Variants in LRRC8D observed in about 807,000 individuals in gnomAD.
LRRC8D encodes the protein volume-regulated anion channel subunit LRRC8D.
A neutral mutation model predicts 55.8 loss-of-function variants in LRRC8D; 20 were observed. That is an observed-to-expected ratio of 0.36 (90% CI 0.25 to 0.52). LRRC8D has a LOEUF of 0.52. LRRC8D is among the 20% of genes least tolerant of loss of function. LRRC8D has a pLI of 0.93. For missense variants in LRRC8D, 651 were observed against 1,030.8 expected, an observed-to-expected ratio of 0.63 and a Z score of 5.05; for synonymous variants, 352 against 377.0, an observed-to-expected ratio of 0.93 and a Z score of 0.77.
intron 2 of LRRC8D, among the ~76,000 whole-genome samples, 183 bp downstream of exon 2, chr1:89,843,965 C>T (rs1661209538): frequency 1.1e-5 from 1 of 91,644 alleles, no homozygotes; most frequent in South Asian, 4.3e-4. Context: ...TTCGGGCCGG[C>T]GGAAGGCCCT....
At chr1:89,828,995 A>C (rs1379562658) in intron 1 of LRRC8D, among the ~76,000 whole-genome samples, 2 of 152,188 alleles carry the variant, frequency 1.3e-5, no homozygotes, top group Non-Finnish European at 2.9e-5. Context: ...CATGCTATAG[A>C]GATAGGACAG....
intron 2 of LRRC8D, among the ~76,000 whole-genome samples, chr1:89,916,684 G>C (rs952818751): frequency 4.9e-4 from 75 of 151,700 alleles, no homozygotes; most frequent in African/African-American, 1.7e-3. Context: ...TTGCTTTTCT[G>C]TTCTCTCTTT....
Position 89,935,367 on chromosome 1 carries a change from C to G in LRRC8D, c.2299C>G (p.Leu767Val), listed in dbSNP as rs1223543510. 15 of 1,614,120 alleles carry G rather than the reference C, an allele frequency of 9.3e-6. No homozygotes were observed. Among genetic ancestry groups the G allele is most frequent in the Non-Finnish European group, 1.2e-5 (14 of 1,180,044 alleles). The change falls in exon 3 of 3, where the codon CTG becomes GTG. Residue 767 changes from leucine (L) to valine (V), a missense_variant. This residue lies in a region of LRRC8D where 338 missense variants were observed against 479.4 expected (regional missense o/e 0.71). Coordinates refer to ENST00000337338, the MANE Select transcript of LRRC8D (RefSeq NM_001134479.2). ...LHITGNKVDI[L>V]PKQLFKCIKL... The stretch of plus-strand genomic sequence containing the variant: ...TATCACTGGGAACAAAGTGGACATT[C>G]TGCCAAAACAATTGTTTAAATGCAT...
At chr1:89,843,103 G>A (rs1266701052) in intron 1 of LRRC8D, 1 of 152,240 alleles carries the variant, frequency 6.6e-6, no homozygotes, top group Non-Finnish European at 1.5e-5. Context: ...ATCTCTCACA[G>A]CTGCTGAGCT....
At chr1:89,917,122 A>T (rs1395234700) in intron 2 of LRRC8D, among the ~76,000 whole-genome samples, 2 of 152,206 alleles carry the variant, frequency 1.3e-5, no homozygotes, top group Non-Finnish European at 2.9e-5. Flanking sequence ...TAGCTCTATA[A>T]TAGAGACTCT....
intron 2 of LRRC8D, among the ~76,000 whole-genome samples, chr1:89,872,986 A>G (rs923765145): frequency 6.6e-6 from 1 of 152,238 alleles, no homozygotes; most frequent in Admixed American, 6.5e-5. Context: ...CCCAAAGTGA[A>G]TAAAAATTGA....
At chr1:89,824,418 T>C (rs74101213) in intron 1 of LRRC8D, among the ~76,000 whole-genome samples, 60 of 152,322 alleles carry the variant, frequency 3.9e-4, no homozygotes, top group African/African-American at 1.4e-3. Context: ...TTGGGAATCA[T>C]TGAAATCAGA....
intron 1 of LRRC8D, 160 bp from the exon 2 acceptor site, chr1:89,843,478 G>A (rs1287786300): frequency 4.5e-6 from 2 of 447,686 alleles, no homozygotes; most frequent in African/African-American, 2.0e-5. Flanking sequence ...CAGCCGGTGC[G>A]GCGGGGTCGC....
intron 2 of LRRC8D, among the ~76,000 whole-genome samples, chr1:89,889,998 T>A (rs1365223795): frequency 6.6e-6 from 1 of 151,460 alleles, no homozygotes; most frequent in Non-Finnish European, 1.5e-5. Flanking sequence ...CCATCCTGGC[T>A]AACACAGTGA....
Position 89,934,526 on chromosome 1 carries a change from C to T in LRRC8D, c.1458C>T (p.Val486=). 6.2e-7 allele frequency: 1 copy of T among 1,614,188 alleles called. No individual in the cohort carries two copies. Among genetic ancestry groups the T allele is most frequent in the Non-Finnish European group, 8.5e-7 (1 of 1,180,030 alleles). Residue 486 remains valine, a synonymous_variant, in exon 3 of 3, where the codon GTC becomes GTT. Transcript: ENST00000337338. This position sits in a 1 kb window ranked among gnomAD's most constrained non-coding sequence, Gnocchi z 5.9. ...LFMLSGVPDA[V]FDLTDLDVLK... is the part of the protein sequence containing the mutation. ...TGCTGTCGGGGGTGCCCGATGCTGTCTTTGACCTCACAGACCTGGATGTGC... is the reference window on the plus strand; with the variant it reads ...TGCTGTCGGGGGTGCCCGATGCTGTTTTTGACCTCACAGACCTGGATGTGC...
At chr1:89,880,440 A>AAGAGACCT (rs1557465020) in intron 2 of LRRC8D, among the ~76,000 whole-genome samples, 1 of 151,298 alleles carries the variant, frequency 6.6e-6, no homozygotes, top group Admixed American at 6.6e-5. Context: ...AATCAGAAAG[A>AAGAGACCT]AGAGACCTAG....
intron 2 of LRRC8D, among the ~76,000 whole-genome samples, chr1:89,868,719 A>G (rs1314343285): frequency 6.6e-6 from 1 of 152,222 alleles, no homozygotes; most frequent in Non-Finnish European, 1.5e-5. Context: ...AGCAAGACCA[A>G]GTAATTTGCC....
At chr1:89,849,555 T>C (rs2100762318) in intron 2 of LRRC8D, among the ~76,000 whole-genome samples, 1 of 152,158 alleles carries the variant, frequency 6.6e-6, no homozygotes, top group Admixed American at 6.5e-5. Flanking sequence ...TTATACCTAA[T>C]CAATTATAAT....
rs376238850 is a variant in LRRC8D at position 89,871,402 on chromosome 1, G to A, written c.-3+27620G>A. 1.1e-4 allele frequency among the ~76,000 whole-genome samples: 16 copies of A among 152,214 alleles called. 1 individual carries two copies. Among genetic ancestry groups the A allele is most frequent in the Admixed American group, 3.9e-4 (6 of 15,298 alleles). On this transcript the variant is annotated intron_variant, in intron 2 of 2. Coordinates refer to ENST00000337338, the MANE Select transcript of LRRC8D (RefSeq NM_001134479.2). ...ACACACAAGCACTTTTTTGGTAACC[G>A]CCTGCGCATAGCGTTCTTTTGGGGT...
intron 1 of LRRC8D, among the ~76,000 whole-genome samples, chr1:89,825,219 A>C (rs1242412821): frequency 1.3e-5 from 2 of 152,186 alleles, no homozygotes; most frequent in African/African-American, 4.8e-5. Flanking sequence ...TATTGGTCCT[A>C]TATGAGAGCT....
At chr1:89,834,420 C>T (rs1660958152) in intron 1 of LRRC8D, among the ~76,000 whole-genome samples, 1 of 152,162 alleles carries the variant, frequency 6.6e-6, no homozygotes. Context: ...AGGTTGGTGT[C>T]ATTGGTGTTC....
At chr1:89,892,496 C>T (rs1662604158) in intron 2 of LRRC8D, among the ~76,000 whole-genome samples, 2 of 152,104 alleles carry the variant, frequency 1.3e-5, no homozygotes, top group Non-Finnish European at 2.9e-5. Context: ...AAGGAATCTA[C>T]AGAACCGTCA....
At chr1:89,852,690 G>A (rs1373751196) in intron 2 of LRRC8D, among the ~76,000 whole-genome samples, 1 of 152,192 alleles carries the variant, frequency 6.6e-6, no homozygotes, top group Non-Finnish European at 1.5e-5. Context: ...TGTTTGTGAG[G>A]AAGGAATTCC....
chr1:89,898,772 A>T (rs999626123), intron 2 of LRRC8D, among the ~76,000 whole-genome samples: 1 of 152,216 alleles, frequency 6.6e-6, no homozygotes, highest in Non-Finnish European at 1.5e-5. Context: ...CTAAGCATAC[A>T]ACTACAAAGT....
Sources: allele counts gnomAD v4.1 joint callset (sites outside exome capture counted in the v4.1 genomes callset), GRCh38; gene constraint gnomAD v4.1.1; regional missense constraint gnomAD v4.1.1; non-coding constraint Gnocchi (gnomAD v3.1); transcripts MANE v1.5; gene names NCBI Gene and HGNC (gene_info 2026-07-23, HGNC 2026-07-21).